Variants in ATOSA observed in about 807,000 individuals in gnomAD.
The protein encoded by ATOSA is atos homolog A, also known as atos homolog protein A.
At chr15:52,605,808 T>C in the ATOSA span, among the ~76,000 whole-genome samples, 2 of 152,188 alleles carry the variant, frequency 1.3e-5, no homozygotes, top group Admixed American at 1.3e-4. Flanking sequence ...ACTACTATGG[T>C]AGTCCCCTCT....
the ATOSA span, among the ~76,000 whole-genome samples, chr15:52,640,255 CTT>C: frequency 6.6e-6 from 1 of 151,866 alleles, no homozygotes; most frequent in African/African-American, 2.4e-5. Flanking sequence ...ACATATTACT[CTT>C]TTATCTTTTA....
chr15:52,675,691 G>T, the ATOSA span, among the ~76,000 whole-genome samples: 253 of 152,258 alleles, frequency 1.7e-3, 1 homozygote, highest in African/African-American at 6.0e-3. Flanking sequence ...GGCGGATCAC[G>T]AGCTCAGGAG....
chr15:52,640,101 T>G, the ATOSA span, among the ~76,000 whole-genome samples: 1 of 152,036 alleles, frequency 6.6e-6, no homozygotes, highest in South Asian at 2.1e-4. Flanking sequence ...ATACTAAGAA[T>G]ACAGTAAAAG....
chr15:52,583,078 A>G, the ATOSA span, among the ~76,000 whole-genome samples: 2 of 152,224 alleles, frequency 1.3e-5, no homozygotes, highest in Non-Finnish European at 2.9e-5. Flanking sequence ...CTGTATGTTA[A>G]AACAGACTGG....
chr15:52,694,309 G>A, the ATOSA span, among the ~76,000 whole-genome samples: 1 of 151,850 alleles, frequency 6.6e-6, no homozygotes, highest in Non-Finnish European at 1.5e-5. Flanking sequence ...TGGGATTACA[G>A]GCATGCACTA....
At chr15:52,619,953 G>A in the ATOSA span, among the ~76,000 whole-genome samples, 4 of 152,112 alleles carry the variant, frequency 2.6e-5, no homozygotes, top group South Asian at 2.1e-4. Context: ...ACTGGACACC[G>A]GTGATTAACC....
At chr15:52,643,741 C>T in the ATOSA span, among the ~76,000 whole-genome samples, 3 of 152,104 alleles carry the variant, frequency 2.0e-5, no homozygotes, top group South Asian at 6.2e-4. Context: ...TGGCAAAACC[C>T]GTCTCTACTG....
At chr15:52,588,633 G>A in the ATOSA span, among the ~76,000 whole-genome samples, 2 of 152,034 alleles carry the variant, frequency 1.3e-5, no homozygotes, top group Non-Finnish European at 2.9e-5. Context: ...GAGATGGTTG[G>A]GGGCAGGGGC....
chr15:52,651,252 T>C, the ATOSA span, among the ~76,000 whole-genome samples: 1 of 152,182 alleles, frequency 6.6e-6, no homozygotes, highest in Non-Finnish European at 1.5e-5. Context: ...TACACTGACT[T>C]TGCGGTTGAA....
chr15:52,635,573 G>A, the ATOSA span, among the ~76,000 whole-genome samples: 2 of 152,132 alleles, frequency 1.3e-5, no homozygotes, highest in Non-Finnish European at 2.9e-5. Flanking sequence ...ATGTGAGCCT[G>A]CAGTCCCAGC....
At chr15:52,586,923 C>G in the ATOSA span, 2 of 699,832 alleles carry the variant, frequency 2.9e-6, no homozygotes, top group African/African-American at 3.7e-5. Context: ...TGCAAACTGT[C>G]ATATGCTATT....
the ATOSA span, among the ~76,000 whole-genome samples, chr15:52,621,354 T>C: frequency 6.6e-6 from 1 of 152,218 alleles, no homozygotes; most frequent in Non-Finnish European, 1.5e-5. Flanking sequence ...ACATACTAAA[T>C]TGTAAATAAA....
chr15:52,704,738 C>T, the ATOSA span, among the ~76,000 whole-genome samples: 1 of 152,062 alleles, frequency 6.6e-6, no homozygotes, highest in African/African-American at 2.4e-5. Context: ...TTTATGCAGC[C>T]AACAGACATA....
the ATOSA span, among the ~76,000 whole-genome samples, chr15:52,617,790 A>T: frequency 4.7e-3 from 695 of 147,552 alleles, 21 homozygotes; most frequent in Non-Finnish European, 1.4e-3. Flanking sequence ...ATATACAAAT[A>T]ATTTATATAA....
chr15:52,648,064 T>G, the ATOSA span, among the ~76,000 whole-genome samples: 6 of 152,160 alleles, frequency 3.9e-5, no homozygotes, highest in African/African-American at 1.4e-4. Context: ...CTCAAAATAC[T>G]GAGAAAACTC....
chr15:52,679,916 C>CCGGGA, the ATOSA span, among the ~76,000 whole-genome samples: 1 of 150,804 alleles, frequency 6.6e-6, no homozygotes, highest in Non-Finnish European at 1.5e-5. Context: ...TTTAATGTGA[C>CCGGGA]CGGGACGGGG....
chr15:52,587,449 A>T, the ATOSA span: 1 of 359,986 alleles, frequency 2.8e-6, no homozygotes, highest in Non-Finnish European at 5.0e-6. Context: ...TGGCCACAGC[A>T]CTCAAAATTA....
the ATOSA span, among the ~76,000 whole-genome samples, chr15:52,660,023 GTACAGT>G: frequency 6.6e-6 from 1 of 152,088 alleles, no homozygotes; most frequent in Admixed American, 6.6e-5. Context: ...GAACTTAATG[GTACAGT>G]TAGAGATATA....
the ATOSA span, among the ~76,000 whole-genome samples, chr15:52,707,138 G>A: frequency 6.6e-6 from 1 of 152,160 alleles, no homozygotes; most frequent in Non-Finnish European, 1.5e-5. Context: ...TGATATAATT[G>A]GAAAGTTACC....
Sources: gnomAD v4.1 joint callset for allele counts (sites outside exome capture counted in the v4.1 genomes callset) on GRCh38, gnomAD v4.1.1 for gene constraint, MANE v1.5 for transcripts, NCBI Gene and HGNC (gene_info 2026-07-23, HGNC 2026-07-21) for gene names.